ERC2: variants seen among roughly 807,000 people sequenced by gnomAD.
ERC2 encodes the protein ERC protein 2.
ERC2 carries 42 observed loss-of-function variants against 114.8 expected under a neutral mutation model. The observed-to-expected ratio is 0.37, with a 90% confidence interval of 0.29 to 0.47. The LOEUF is 0.47. ERC2 is among the 20% of genes least tolerant of loss of function. The pLI is 0.99. For synonymous variants in ERC2, 454 were observed against 425.5 expected (o/e 1.07, Z -0.82); for missense variants, 939 against 1,150.7 (o/e 0.82, Z 2.66).
At chr3:56,238,207 C>T (rs1359990782) in intron 3 of ERC2, among the ~76,000 whole-genome samples, 2 of 152,178 alleles carry the variant, frequency 1.3e-5, no homozygotes, top group East Asian at 3.8e-4. Flanking sequence ...ACTTGGACTC[C>T]AGACCGGAGG....
At chr3:55,656,842 A>G (rs567017353) in intron 17 of ERC2, among the ~76,000 whole-genome samples, 2 of 152,290 alleles carry the variant, frequency 1.3e-5, no homozygotes, top group Non-Finnish European at 2.9e-5. Flanking sequence ...TCTAGGGAAG[A>G]AGAGGCCTAG....
chr3:55,719,310 G>A (rs2064308836), intron 15 of ERC2, among the ~76,000 whole-genome samples: 1 of 152,106 alleles, frequency 6.6e-6, no homozygotes, highest in Non-Finnish European at 1.5e-5. Flanking sequence ...CTTTACACAG[G>A]ACCAGTACCC....
intron 14 of ERC2, among the ~76,000 whole-genome samples, chr3:55,847,092 A>G (rs1027167671): frequency 1.4e-4 from 21 of 152,224 alleles, no homozygotes; most frequent in Admixed American, 5.2e-4. Context: ...AATATTTTCA[A>G]TGTTTCTAAC....
intron 14 of ERC2, among the ~76,000 whole-genome samples, chr3:55,845,006 G>T (rs967638012): frequency 6.6e-6 from 1 of 152,086 alleles, no homozygotes; most frequent in African/African-American, 2.4e-5. Context: ...CTCATAAGGA[G>T]CACTCAACCC....
At chr3:55,728,413 C>T (rs1315213872) in intron 15 of ERC2, among the ~76,000 whole-genome samples, 2 of 152,090 alleles carry the variant, frequency 1.3e-5, no homozygotes, top group African/African-American at 2.4e-5. Context: ...AGAAGGCTTC[C>T]CTGGAGAAGT....
chr3:55,965,821 T>C (rs2068712880), intron 12 of ERC2, among the ~76,000 whole-genome samples: 1 of 152,164 alleles, frequency 6.6e-6, no homozygotes, highest in African/African-American at 2.4e-5. Flanking sequence ...CTTAGTCTGA[T>C]GTGAATGAGT....
intron 6 of ERC2, among the ~76,000 whole-genome samples, chr3:56,103,765 A>ATCTC (rs2078491753): frequency 6.6e-6 from 1 of 151,998 alleles, no homozygotes. Flanking sequence ...CTATCTATCT[A>ATCTC]TCTATCTATC....
chr3:56,149,171 TA>T, intron 4 of ERC2, 39 bp from the exon 5 acceptor site: 1 of 1,507,900 alleles, frequency 6.6e-7, no homozygotes, highest in South Asian at 1.3e-5. Context: ...AAATAAAGAA[TA>T]AAAATTATTT....
At chr3:55,677,738 C>T (rs557957271) in intron 17 of ERC2, among the ~76,000 whole-genome samples, 56 of 152,268 alleles carry the variant, frequency 3.7e-4, no homozygotes, top group African/African-American at 1.3e-3. Context: ...GAGTCACTGG[C>T]CCCTCTATCT....
intron 14 of ERC2, among the ~76,000 whole-genome samples, chr3:55,831,918 C>G (rs1216541761): frequency 6.6e-6 from 1 of 152,250 alleles, no homozygotes; most frequent in African/African-American, 2.4e-5. Context: ...TGTGCTTTTC[C>G]AACGGGCTTA....
intron 2 of ERC2, among the ~76,000 whole-genome samples, chr3:56,298,680 TA>T (rs1419044586): frequency 6.9e-6 from 1 of 144,616 alleles, no homozygotes; most frequent in Non-Finnish European, 1.5e-5. Flanking sequence ...AGATGGAGAA[TA>T]AATTAGTGAT....
At chr3:55,868,913 G>A (rs1391308111) in intron 14 of ERC2, among the ~76,000 whole-genome samples, 1 of 152,144 alleles carries the variant, frequency 6.6e-6, no homozygotes, top group Non-Finnish European at 1.5e-5. Flanking sequence ...ACTCCAAGCT[G>A]GAGTTTTAAA....
At chr3:55,810,409 A>G (rs192839198) in intron 14 of ERC2, among the ~76,000 whole-genome samples, 47 of 152,046 alleles carry the variant, frequency 3.1e-4, no homozygotes, top group Non-Finnish European at 5.1e-4. Context: ...CACACTCTAC[A>G]TAGTAACCTG....
chr3:55,810,594 C>T (rs188601891), intron 14 of ERC2, among the ~76,000 whole-genome samples: 1 of 152,220 alleles, frequency 6.6e-6, no homozygotes, highest in African/African-American at 2.4e-5. Context: ...TCCCAAGTAG[C>T]TGGGATCACA....
chr3:56,176,578 C>T (rs567503635), intron 3 of ERC2, among the ~76,000 whole-genome samples: 1 of 152,140 alleles, frequency 6.6e-6, no homozygotes. Context: ...TCCAATTACC[C>T]AAGAATTGTA....
At chr3:55,826,578 T>C (rs2060334270) in intron 14 of ERC2, among the ~76,000 whole-genome samples, 2 of 152,236 alleles carry the variant, frequency 1.3e-5, no homozygotes, top group African/African-American at 4.8e-5. Flanking sequence ...ACAATAATCA[T>C]TGTTTAACAA....
At chr3:55,910,577 C>T (rs911423735) in intron 13 of ERC2, among the ~76,000 whole-genome samples, 1 of 152,126 alleles carries the variant, frequency 6.6e-6, no homozygotes, top group Non-Finnish European at 1.5e-5. Context: ...TACCCCAAAA[C>T]TAATTAACTA....
chr3:55,802,995 C>T (rs1443904857), intron 14 of ERC2, among the ~76,000 whole-genome samples: 2 of 152,072 alleles, frequency 1.3e-5, no homozygotes, highest in Non-Finnish European at 2.9e-5. Context: ...ATGAAAAGTT[C>T]GCTCATGTGG....
chr3:55,608,188 T>C (rs568587853), intron 17 of ERC2, among the ~76,000 whole-genome samples: 7 of 152,120 alleles, frequency 4.6e-5, no homozygotes, highest in Non-Finnish European at 1.0e-4. Context: ...TATCATATGA[T>C]CCAAGTCCTA....
Sources: gnomAD v4.1 joint callset for allele counts (sites outside exome capture counted in the v4.1 genomes callset) on GRCh38, gnomAD v4.1.1 for gene constraint, MANE v1.5 for transcripts, NCBI Gene and HGNC (gene_info 2026-07-23, HGNC 2026-07-21) for gene names.